Variants in BCAS3 observed in about 807,000 individuals in gnomAD.
BCAS3 encodes BCAS3 microtubule associated cell migration factor.
A neutral mutation model predicts 116.1 loss-of-function variants in BCAS3; 53 were observed. That is an observed-to-expected ratio of 0.46 (90% CI 0.37 to 0.57). BCAS3 has a LOEUF of 0.57. Ranked by LOEUF, BCAS3 falls within the 20% of genes least tolerant of loss-of-function variation. The pLI, the probability that BCAS3 is intolerant of heterozygous loss-of-function variation, is 0.00. For synonymous variants in BCAS3, 391 were observed against 408.2 expected (o/e 0.96, Z 0.51); for missense variants, 917 against 1,165.4 (o/e 0.79, Z 3.10).
chr17:61,210,365 T>G (rs958480456), intron 22 of BCAS3, among the ~76,000 whole-genome samples: 2 of 152,198 alleles, frequency 1.3e-5, no homozygotes, highest in East Asian at 3.9e-4. Context: ...TACAGTGGCT[T>G]GTTAACTCTG....
At position 61,087,794 on chromosome 17, in the gene BCAS3, A is replaced by G. The variant is rs930056743; in HGVS notation, c.2425+3230A>G. The stretch of plus-strand genomic sequence containing the variant: ...CTTACTGTCTCTCTGTAAAATACAT[A>G]TAGAGTATTTTTGATTTTCAGCAGT... On this transcript the variant is annotated intron_variant, in intron 22 of 23. Transcript: ENST00000407086. The surrounding 1 kb of genome is among the most constrained non-coding windows in gnomAD (Gnocchi z 4.6). 6.6e-6 allele frequency among the ~76,000 whole-genome samples: 1 copy of G among 152,186 alleles called. No homozygotes were observed.
intron 22 of BCAS3, among the ~76,000 whole-genome samples, chr17:61,150,933 C>T (rs1366471657): frequency 6.6e-6 from 1 of 152,162 alleles, no homozygotes; most frequent in Non-Finnish European, 1.5e-5. Context: ...TTTTGCAAAC[C>T]TTCTTTTGTA....
Position 61,161,751 on chromosome 17 carries a change from T to C in BCAS3, c.2425+77187T>C, listed in dbSNP as rs1422736385. 6.6e-6 allele frequency among the ~76,000 whole-genome samples: 1 copy of C among 152,058 alleles called. No individual in the cohort carries two copies. The highest frequency in any genetic ancestry group is 1.5e-5 in the Non-Finnish European group (1 of 68,018). On this transcript the variant is annotated intron_variant, in intron 22 of 23. Coordinates refer to ENST00000407086, the MANE Select transcript of BCAS3 (RefSeq NM_017679.5). The surrounding 1 kb of genome is among the most constrained non-coding windows in gnomAD (Gnocchi z 4.8). Reference sequence around the variant, plus strand: ...CACATACCAGCCCCCGCAATTCCAGTTTCATGGTGCCTGAGTTGCTGTCTG... The same window carrying C: ...CACATACCAGCCCCCGCAATTCCAGCTTCATGGTGCCTGAGTTGCTGTCTG...
chr17:61,386,660 C>T (rs2059866054), intron 23 of BCAS3, among the ~76,000 whole-genome samples: 2 of 152,228 alleles, frequency 1.3e-5, no homozygotes, highest in Admixed American at 6.5e-5. Context: ...GACTAGGGCT[C>T]AATGCCCCCA....
chr17:60,799,866 G>A (rs71373857), intron 6 of BCAS3, among the ~76,000 whole-genome samples: 1 of 151,568 alleles, frequency 6.6e-6, no homozygotes, highest in Non-Finnish European at 1.5e-5. Context: ...GCCTGGCTGA[G>A]ATTAGCTTTT....
chr17:61,386,315 C>G (rs1446940180), intron 23 of BCAS3, among the ~76,000 whole-genome samples: 2 of 152,214 alleles, frequency 1.3e-5, no homozygotes, highest in African/African-American at 4.8e-5. Context: ...TCTCTTGAGG[C>G]TGGGGGCTGG....
At chr17:60,771,600 G>A (rs1047056956) in intron 6 of BCAS3, among the ~76,000 whole-genome samples, 5 of 151,520 alleles carry the variant, frequency 3.3e-5, no homozygotes, top group Admixed American at 1.3e-4. Context: ...TGTGCACAAC[G>A]TGCAGGTTTG....
intron 6 of BCAS3, among the ~76,000 whole-genome samples, chr17:60,752,729 T>G (rs570434903): frequency 1.5e-5 from 1 of 64,550 alleles, no homozygotes; most frequent in Non-Finnish European, 6.0e-5. Flanking sequence ...TTAGAGAGAG[T>G]CTACCAACAT....
chr17:60,756,982 G>T (rs2043043454), intron 6 of BCAS3, among the ~76,000 whole-genome samples: 1 of 152,102 alleles, frequency 6.6e-6, no homozygotes, highest in Non-Finnish European at 1.5e-5. Context: ...GGCCAACATG[G>T]TGTAACCCCG....
Position 61,346,104 on chromosome 17 carries a change from G to T in BCAS3, c.2426-22223G>T, listed in dbSNP as rs923885740. On this transcript the variant is annotated intron_variant, in intron 22 of 23. Transcript: ENST00000407086. The surrounding 1 kb of genome is among the most constrained non-coding windows in gnomAD (Gnocchi z 5.4). ...CAGGAGTGGTTGAGAAGGTAACAGC[G>T]GGGTAGGTGCCATAATCCTTGTTGA... 6.6e-6 allele frequency among the ~76,000 whole-genome samples: 1 copy of T among 152,228 alleles called. No homozygotes were observed. Among genetic ancestry groups the T allele is most frequent in the South Asian group, 2.1e-4 (1 of 4,822 alleles).
chr17:61,001,151 T>G (rs1231117644), intron 15 of BCAS3, among the ~76,000 whole-genome samples: 1 of 152,130 alleles, frequency 6.6e-6, no homozygotes, highest in Non-Finnish European at 1.5e-5. Context: ...GCATCTGAAT[T>G]CTAGATTCTG....
intron 3 of BCAS3, chr17:60,688,179 G>A (rs1488701924): frequency 6.6e-6 from 1 of 152,204 alleles, no homozygotes; most frequent in Non-Finnish European, 1.5e-5. Flanking sequence ...AGCAGAGAAA[G>A]GACATTAGTG....
At chr17:61,047,433 A>G (rs1364871022) in intron 19 of BCAS3, among the ~76,000 whole-genome samples, 3 of 152,054 alleles carry the variant, frequency 2.0e-5, no homozygotes, top group Admixed American at 6.6e-5. Context: ...ATGGTAATCT[A>G]ATTTTTCTGT....
In BCAS3 at chr17:61,248,196, A is replaced by T. The variant is rs1263854904; in HGVS notation, c.2426-120131A>T. Among the ~76,000 whole-genome samples the T allele has an allele frequency of 6.6e-6, 1 of 152,040 alleles. No individual in the cohort carries two copies. On this transcript the variant is annotated intron_variant, in intron 22 of 23. Transcript: ENST00000407086. This position sits in a 1 kb window ranked among gnomAD's most constrained non-coding sequence, Gnocchi z 4.3. ...AAAGCCACCAAGGGAACTTCTTCTG[A>T]TCCTATCTCTTTTGTAGGTGGTACC...
intron 7 of BCAS3, among the ~76,000 whole-genome samples, chr17:60,853,906 TG>T (rs1338643096): frequency 3.3e-4 from 50 of 152,208 alleles, no homozygotes; most frequent in African/African-American, 1.0e-3. Flanking sequence ...GTTTGTAAGT[TG>T]TTTTTTTTTA....
intron 6 of BCAS3, among the ~76,000 whole-genome samples, chr17:60,796,785 C>G (rs1296577414): frequency 6.6e-6 from 1 of 151,992 alleles, no homozygotes. Flanking sequence ...TTCTCTAGTT[C>G]CTTGAGGTGT....
chr17:60,957,229 T>G (rs2145289868), intron 14 of BCAS3, among the ~76,000 whole-genome samples: 1 of 152,302 alleles, frequency 6.6e-6, no homozygotes, highest in South Asian at 2.1e-4. Context: ...AAGTGTTAAT[T>G]TTACCATTCT....
chr17:61,315,569 G>T lies in BCAS3; in HGVS notation c.2426-52758G>T, dbSNP rs1339811355. Among the ~76,000 whole-genome samples the T allele has an allele frequency of 6.6e-6, 1 of 152,200 alleles. No homozygotes were observed. The highest frequency in any genetic ancestry group is 6.5e-5 in the Admixed American group (1 of 15,286). On this transcript the variant is annotated intron_variant, in intron 22 of 23. Coordinates refer to ENST00000407086, the MANE Select transcript of BCAS3 (RefSeq NM_017679.5). This position sits in a 1 kb window ranked among gnomAD's most constrained non-coding sequence, Gnocchi z 5.3. ...CACAGCGTCGCTGGTTAATGGCAAA[G>T]CCCAGGTATGGGCCAGTGAACCCCA...
chr17:61,329,790 C>CTCACCCTTA (rs1389991789), intron 22 of BCAS3, among the ~76,000 whole-genome samples: 1 of 75,738 alleles, frequency 1.3e-5, no homozygotes, highest in Non-Finnish European at 3.6e-5. Context: ...GTCCTCGGCG[C>CTCACCCTTA]TCACCTCCTC....
Sources: gnomAD v4.1 joint callset for allele counts (sites outside exome capture counted in the v4.1 genomes callset) on GRCh38, gnomAD v4.1.1 for gene constraint, Gnocchi (gnomAD v3.1) non-coding constraint, MANE v1.5 for transcripts, NCBI Gene and HGNC (gene_info 2026-07-23, HGNC 2026-07-21) for gene names.